Variants in PSD3 observed in about 807,000 individuals in gnomAD.
PSD3 encodes PH and SEC7 domain-containing protein 3.
Under a neutral mutation model 105.5 loss-of-function variants are expected in PSD3, and 49 were observed. The ratio of observed to expected loss-of-function variants is 0.46; its 90% CI spans 0.37 to 0.59. The LOEUF (loss-of-function observed/expected upper bound fraction) is 0.59, where lower values mean the gene tolerates loss of function less well. PSD3 is among the 20% of genes least tolerant of loss of function. The probability of loss-of-function intolerance (pLI) is 0.00; values close to 1 mark genes in which losing one functional copy is unlikely to be tolerated. For missense variants in PSD3, 1,561 were observed against 1,263.8 expected (o/e 1.24, Z -3.57); for synonymous variants, 557 against 457.8 (o/e 1.22, Z -2.77).
chr8:18,746,018 G>A (rs150897197), intron 9 of PSD3, among the ~76,000 whole-genome samples: 3 of 152,276 alleles, frequency 2.0e-5, no homozygotes, highest in Middle Eastern at 3.4e-3. Context: ...CCTACCTTCA[G>A]GCCAAAGATA....
chr8:19,047,531 G>C (rs1336547927), intron 1 of PSD3, among the ~76,000 whole-genome samples: 2 of 152,092 alleles, frequency 1.3e-5, no homozygotes, highest in African/African-American at 4.8e-5. Flanking sequence ...AATGAATGGA[G>C]GAAAGGACAA....
chr8:18,799,655 C>G (rs11993322), intron 7 of PSD3, among the ~76,000 whole-genome samples: 5,541 of 152,204 alleles, frequency 0.036, 355 homozygotes, highest in African/African-American at 0.12. Context: ...GGGCTTTGCA[C>G]TACAGCAATA....
intron 12 of PSD3, among the ~76,000 whole-genome samples, chr8:18,578,929 G>C (rs980772614): frequency 6.6e-6 from 1 of 152,026 alleles, no homozygotes; most frequent in Admixed American, 6.6e-5. Flanking sequence ...TGGAAGACAG[G>C]ATCTATTTAA....
intron 2 of PSD3, among the ~76,000 whole-genome samples, chr8:18,901,685 C>T (rs1819511719): frequency 6.6e-6 from 1 of 152,178 alleles, no homozygotes; most frequent in South Asian, 2.1e-4. Context: ...AGATGCAGGA[C>T]TCCCTTGAGC....
intron 1 of PSD3, among the ~76,000 whole-genome samples, chr8:19,055,607 C>A (rs769963227): frequency 1.3e-5 from 2 of 152,108 alleles, no homozygotes; most frequent in Admixed American, 6.5e-5. Context: ...GGAGAAAGGA[C>A]TAAGCTATGG....
chr8:18,746,360 C>T (rs952602717), intron 9 of PSD3, among the ~76,000 whole-genome samples: 6 of 152,176 alleles, frequency 3.9e-5, no homozygotes, highest in Admixed American at 6.5e-5. Context: ...TTTCATAACT[C>T]GAAAACATTC....
At chr8:18,990,648 C>G (rs1421672678) in intron 1 of PSD3, among the ~76,000 whole-genome samples, 1 of 152,108 alleles carries the variant, frequency 6.6e-6, no homozygotes, top group Non-Finnish European at 1.5e-5. Flanking sequence ...TCTACAATTA[C>G]CAGGATATTT....
chr8:19,077,006 G>A (rs1829481181), intron 1 of PSD3, among the ~76,000 whole-genome samples: 1 of 152,058 alleles, frequency 6.6e-6, no homozygotes, highest in Non-Finnish European at 1.5e-5. Flanking sequence ...AGTCTTGATT[G>A]TTTATTACCG....
At chr8:18,894,744 A>G (rs1451505919) in intron 2 of PSD3, among the ~76,000 whole-genome samples, 1 of 152,134 alleles carries the variant, frequency 6.6e-6, no homozygotes, top group Non-Finnish European at 1.5e-5. Context: ...GACAATCGGA[A>G]CTCCCACCCT....
chr8:18,623,987 C>A (rs1330251257), intron 11 of PSD3, among the ~76,000 whole-genome samples: 1 of 152,070 alleles, frequency 6.6e-6, no homozygotes, highest in Non-Finnish European at 1.5e-5. Context: ...AACTCTAGCT[C>A]CTTCCTTTTC....
intron 1 of PSD3, among the ~76,000 whole-genome samples, chr8:18,968,791 G>A (rs867639171): frequency 2.7e-5 from 4 of 148,436 alleles, no homozygotes; most frequent in Admixed American, 7.0e-5. Context: ...CAGAAGAATC[G>A]CTTGAACCCA....
intron 8 of PSD3, among the ~76,000 whole-genome samples, chr8:18,766,703 C>T (rs1807030410): frequency 6.6e-6 from 1 of 152,116 alleles, no homozygotes; most frequent in Middle Eastern, 3.2e-3. Context: ...AAGAAGTCTC[C>T]TGGGTGAGAG....
chr8:18,610,404 G>A (rs1805171245), intron 11 of PSD3, among the ~76,000 whole-genome samples: 1 of 152,266 alleles, frequency 6.6e-6, no homozygotes, highest in Admixed American at 6.5e-5. Flanking sequence ...GGTACGTGCT[G>A]AGCTGTAACC....
At chr8:19,013,512 C>A (rs2129475485) in intron 1 of PSD3, 51 bp downstream of exon 1, 1 of 1,578,950 alleles carries the variant, frequency 6.3e-7, no homozygotes, top group Non-Finnish European at 8.5e-7. Context: ...CCACGTCGAA[C>A]AGCGGCGCCG....
At chr8:18,978,006 G>A (rs117451322) in intron 1 of PSD3, among the ~76,000 whole-genome samples, 1,736 of 152,248 alleles carry the variant, frequency 0.011, 40 homozygotes, top group East Asian at 0.053. Context: ...CCATACGTTC[G>A]ATATCATGAC....
chr8:18,636,411 A>C (rs1265479742), intron 10 of PSD3, among the ~76,000 whole-genome samples: 1 of 152,220 alleles, frequency 6.6e-6, no homozygotes. Flanking sequence ...TAAAAAGCTA[A>C]AATAACGAGT....
chr8:18,827,197 A>G (rs776184276), intron 4 of PSD3, among the ~76,000 whole-genome samples: 7 of 152,312 alleles, frequency 4.6e-5, no homozygotes, highest in Non-Finnish European at 8.8e-5. Context: ...CTCTGCACAG[A>G]AAACTATATG....
At chr8:18,641,424 A>T (rs1807632722) in intron 10 of PSD3, among the ~76,000 whole-genome samples, 1 of 152,212 alleles carries the variant, frequency 6.6e-6, no homozygotes. Context: ...GGGGAAACAG[A>T]TACACAAAAT....
chr8:18,605,950 A>G (rs964239003), intron 11 of PSD3, among the ~76,000 whole-genome samples: 1 of 152,152 alleles, frequency 6.6e-6, no homozygotes, highest in African/African-American at 2.4e-5. Context: ...TGTTTCCTGT[A>G]TAGCCTGTGG....
Sources: allele counts gnomAD v4.1 joint callset (sites outside exome capture counted in the v4.1 genomes callset), GRCh38; gene constraint gnomAD v4.1.1; transcripts MANE v1.5; gene names NCBI Gene and HGNC (gene_info 2026-07-23, HGNC 2026-07-21).